SRCAP: variants seen among roughly 807,000 people sequenced by gnomAD.
SRCAP encodes the protein Snf2 related CREBBP activator protein.
A neutral mutation model predicts 263.1 loss-of-function variants in SRCAP; 46 were observed. The observed-to-expected ratio is 0.17, with a 90% CI of 0.14 to 0.22. The LOEUF is 0.22. Among genes scored for constraint, SRCAP ranks in the 10% least tolerant of loss-of-function variants. The pLI, the probability that SRCAP is intolerant of heterozygous loss-of-function variation, is 1.00. For missense variants in SRCAP, 3,695 were observed against 4,181.9 expected, an observed-to-expected ratio of 0.88 and a Z score of 3.21; for synonymous variants, 1,813 against 1,662.1, an observed-to-expected ratio of 1.09 and a Z score of -2.21.
At chr16:30,734,307 C>T in intron 30 of SRCAP, 189 bp from the exon 31 acceptor site, 1 of 794,118 alleles carries the variant, frequency 1.3e-6, no homozygotes. Flanking sequence ...GGCGCCATTG[C>T]ACTTTAGCCT....
At position 30,738,146 on chromosome 16, in the gene SRCAP, C is replaced by G. The variant is rs1432584397; in HGVS notation, c.8106C>G (p.Ser2702=). ...ELVTAEVAAP[S]TSSSATSSPE... ...TTACAGCTGAGGTTGCAGCTCCATC[C>G]ACCTCATCTTCAGCCACTTCCTCGC... Residue 2702 remains serine, a synonymous_variant, in exon 34 of 34, where the codon TCC becomes TCG. Coordinates refer to ENST00000262518, the MANE Select transcript of SRCAP (RefSeq NM_006662.3). 1.9e-6 allele frequency: 3 copies of G among 1,614,062 alleles called. No individual in the cohort carries two copies. The highest frequency in any genetic ancestry group is 3.3e-5 in the Admixed American group (2 of 60,010).
Position 30,733,540 on chromosome 16 carries a change from C to A in SRCAP, c.6298-62C>A. On this transcript the variant is annotated intron_variant, in intron 28 of 33. Transcript: ENST00000262518. This position sits in a 1 kb window ranked among gnomAD's most constrained non-coding sequence, Gnocchi z 5.3. ...GGCTTCCAGACGGGGTGCCACTAAG[C>A]CTTTAGACCTGTTTTGGGGGATAAG... The A allele has an allele frequency of 1.2e-6, 2 of 1,603,582 alleles. No individual in the cohort carries two copies. The highest frequency in any genetic ancestry group is 1.1e-5 in the South Asian group (1 of 89,774).
intron 27 of SRCAP, among the ~76,000 whole-genome samples, chr16:30,732,449 CT>C (rs774901842): frequency 5.7e-4 from 84 of 147,578 alleles, no homozygotes; most frequent in Non-Finnish European, 6.3e-4. Context: ...AAAACTCTGT[CT>C]CAAAAAAAAA....
In SRCAP at chr16:30,725,124, CTT is replaced by C. The variant is rs762553578; in HGVS notation, c.5658+44_5658+45del. On this transcript the variant is annotated intron_variant, in intron 25 of 33. Transcript: ENST00000262518. The stretch of plus-strand genomic sequence containing the variant: ...CAAGAGGGAACAGGAAGTTGAGTTT[CTT>C]TGGAGTGTTGGTAGGGTGGATGGAA... 5 of 1,561,160 alleles carry C rather than the reference CTT, an allele frequency of 3.2e-6. No individual in the cohort carries two copies. The Admixed American group carries it at 9.4e-5, about 29-fold the overall frequency.
In SRCAP at chr16:30,739,843, C is replaced by T. The variant is rs1567255732; in HGVS notation, c.*110C>T. 7 of 1,402,114 alleles carry T rather than the reference C, an allele frequency of 5.0e-6. No individual in the cohort carries two copies. 86.9% of individuals were successfully genotyped at this position (1,402,114 alleles called of 1,614,324 possible). A position where few individuals can be genotyped will look rare whatever the true frequency, so the allele number is the denominator to read the frequency against. On this transcript the variant is annotated 3_prime_UTR_variant, in exon 34 of 34. Coordinates refer to ENST00000262518, the MANE Select transcript of SRCAP (RefSeq NM_006662.3). ...TTGAGGGGGAAAGCCTCCAGGGAGA[C>T]ATAGGGGCCTTCTCCCTTCTTCCCA... is the stretch of plus-strand genomic sequence containing the variant.
At chr16:30,718,715 C>T (rs542901035) in intron 18 of SRCAP, among the ~76,000 whole-genome samples, 57 of 149,576 alleles carry the variant, frequency 3.8e-4, no homozygotes, top group African/African-American at 1.4e-3. Context: ...AGATAATCTG[C>T]CTGCCTTGGC....
chr16:30,700,057 A>T (rs554890151), intron 2 of SRCAP, 76 bp downstream of exon 2: 72 of 152,298 alleles, frequency 4.7e-4, no homozygotes, highest in African/African-American at 1.6e-3. Flanking sequence ...ATAGGTCCGT[A>T]TTGGGGATTT....
At chr16:30,711,529 C>T (rs2052890987) in intron 10 of SRCAP, 42 bp from the exon 11 acceptor site, 6 of 1,539,590 alleles carry the variant, frequency 3.9e-6, no homozygotes, top group Middle Eastern at 2.3e-4. Context: ...TCCCCTTCTC[C>T]CTCCCCTCAG....
chr16:30,713,490 T>C, intron 15 of SRCAP, 29 bp from the exon 16 acceptor site: 1 of 1,612,972 alleles, frequency 6.2e-7, no homozygotes, highest in Non-Finnish European at 8.5e-7. Context: ...CTGACCATAC[T>C]CTCTCTGATT....
At chr16:30,700,914 C>T (rs752223701) in intron 3 of SRCAP, 36 bp downstream of exon 3, 1 of 1,607,600 alleles carries the variant, frequency 6.2e-7, no homozygotes, top group Non-Finnish European at 8.5e-7. Flanking sequence ...TCTGCTTCTG[C>T]TTTGTGGATT....
chr16:30,707,076 A>G, intron 4 of SRCAP, 107 bp from the exon 5 acceptor site: 2 of 1,122,924 alleles, frequency 1.8e-6, no homozygotes, highest in Non-Finnish European at 2.6e-6. Context: ...TGTGGACTAA[A>G]CATAAGCATA....
chr16:30,722,326 C>G (rs776709802), intron 22 of SRCAP, 40 bp downstream of exon 22: 2 of 1,588,384 alleles, frequency 1.3e-6, no homozygotes, highest in Non-Finnish European at 1.7e-6. Context: ...TTTTCCTCCT[C>G]TTCCCTGTCT....
intron 1 of SRCAP, among the ~76,000 whole-genome samples, chr16:30,699,706 C>T (rs1283329952): frequency 6.6e-6 from 1 of 151,746 alleles, no homozygotes; most frequent in Non-Finnish European, 1.5e-5. Flanking sequence ...TTTGAACTTT[C>T]TTTCTTCACT....
rs1173653161 is a variant in SRCAP at position 30,737,141 on chromosome 16, G to C, written c.7101G>C (p.Gly2367=). 1 of 1,614,050 alleles carries C rather than the reference G, an allele frequency of 6.2e-7. No homozygotes were observed. Among genetic ancestry groups the C allele is most frequent in the East Asian group, 2.2e-5 (1 of 44,882 alleles). Residue 2367 remains glycine (G), a synonymous_variant, in exon 34 of 34, where the codon GGG becomes GGC. Transcript: ENST00000262518. Reference sequence around the variant, plus strand: ...AGGAGGAGGAGGGGCCGGGGGCTGGGGATGAGAGTTCCTGTGGGACTGGTG... The same window carrying C: ...AGGAGGAGGAGGGGCCGGGGGCTGGCGATGAGAGTTCCTGTGGGACTGGTG... The part of the protein sequence containing the change: ...PQEEEEGPGA[G]DESSCGTGGG...
In SRCAP at chr16:30,709,661, G is replaced by T. The variant is rs746338184; in HGVS notation, c.782G>T (p.Gly261Val). The T allele has an allele frequency of 6.2e-7, 1 of 1,614,034 alleles. No individual in the cohort carries two copies. The highest frequency in any genetic ancestry group is 2.2e-5 in the East Asian group (1 of 44,898). The change falls in exon 7 of 34, where the codon GGC becomes GTC. Residue 261 changes from glycine (G) to valine (V), a missense_variant. Physicochemically the swap from Gly to Val is moderately radical, Grantham distance 109. Transcript: ENST00000262518. The part of the protein sequence containing the change: ...LNQPLTSSKA[G>V]SSPCLGSSSA... ...CAGCCATTAACCTCCAGCAAAGCAG[G>T]CTCTTCCCCTTGCCTCGGCTCTTCC...
chr16:30,732,177 C>G (rs930064247), intron 27 of SRCAP, among the ~76,000 whole-genome samples: 1 of 151,340 alleles, frequency 6.6e-6, no homozygotes, highest in African/African-American at 2.4e-5. Flanking sequence ...TCAGGCTGGG[C>G]ACGGTGGCTC....
Position 30,707,185 on chromosome 16 carries a change from G to A in SRCAP, c.309G>A (p.Glu103=), listed in dbSNP as rs775802608. 1 of 1,614,092 alleles carries A rather than the reference G, an allele frequency of 6.2e-7. No individual in the cohort carries two copies. The highest frequency in any genetic ancestry group is 1.1e-5 in the South Asian group (1 of 91,080). Residue 103 remains glutamate, a splice_region_variant and synonymous_variant, in exon 5 of 34, where the codon GAG becomes GAA. Transcript: ENST00000262518. ...TTGATCTGGCTCTCCCTGATTAGGA[G>A]GCCGAGATCGAGACTCGGATTGCTG... The part of the protein sequence containing the change: ...HAEIAEQAKH[E]AEIETRIAEL...
rs2052899967 is a variant in SRCAP, at chr16:30,712,247, T to C, written c.1816-15T>C. ...CCTCATTTCCATTGTGTTACCTATA[T>C]TTCCTCTCTGACAGGTAAAGACGCC... On this transcript the variant is annotated splice_polypyrimidine_tract_variant and intron_variant, in intron 12 of 33. Coordinates refer to ENST00000262518, the MANE Select transcript of SRCAP (RefSeq NM_006662.3). 1 of 1,593,206 alleles carries C rather than the reference T, an allele frequency of 6.3e-7. No individual in the cohort carries two copies.
intron 30 of SRCAP, 92 bp downstream of exon 30, chr16:30,734,100 T>G (rs1488810342): frequency 8.4e-7 from 1 of 1,191,900 alleles, no homozygotes; most frequent in Non-Finnish European, 1.2e-6. Context: ...CTTTGGACTT[T>G]GGGAGGCTGA....
Sources: allele counts gnomAD v4.1 joint callset (sites outside exome capture counted in the v4.1 genomes callset), GRCh38; gene constraint gnomAD v4.1.1; non-coding constraint Gnocchi (gnomAD v3.1); transcripts MANE v1.5; gene names NCBI Gene and HGNC (gene_info 2026-07-23, HGNC 2026-07-21).